FRMD4A: variants seen among roughly 807,000 people sequenced by gnomAD.
The protein encoded by FRMD4A is FERM domain containing 4A, also known as FERM domain-containing protein 4A.
A neutral mutation model predicts 129.1 loss-of-function variants in FRMD4A; 29 were observed. The observed-to-expected ratio is 0.22, with a 90% CI of 0.17 to 0.31. FRMD4A has a LOEUF of 0.31. FRMD4A is among the 10% of genes least tolerant of loss of function. FRMD4A has a pLI of 1.00. For missense variants in FRMD4A, 1,272 were observed against 1,375.8 expected (o/e 0.92, Z 1.19); for synonymous variants, 634 against 571.6 (o/e 1.11, Z -1.56).
At chr10:14,011,820 C>A (rs2095683460) in intron 2 of FRMD4A, among the ~76,000 whole-genome samples, 1 of 152,004 alleles carries the variant, frequency 6.6e-6, no homozygotes, top group Non-Finnish European at 1.5e-5. Context: ...ACCAGCCTGG[C>A]CAACATAGTG....
chr10:13,735,580 C>G (rs1211952922), intron 12 of FRMD4A, among the ~76,000 whole-genome samples: 1 of 152,150 alleles, frequency 6.6e-6, no homozygotes, highest in African/African-American at 2.4e-5. Context: ...TCATTAGAAC[C>G]TCAATTAGAG....
chr10:14,208,548 C>T (rs150318549), intron 2 of FRMD4A, among the ~76,000 whole-genome samples: 3 of 152,186 alleles, frequency 2.0e-5, no homozygotes, highest in Admixed American at 6.5e-5. Context: ...GGGGACTCTG[C>T]GAACCTCCTA....
intron 2 of FRMD4A, among the ~76,000 whole-genome samples, chr10:13,885,274 A>G (rs1371637881): frequency 6.6e-6 from 1 of 152,172 alleles, no homozygotes; most frequent in African/African-American, 2.4e-5. Context: ...ACAGATATTA[A>G]CTAATTTGCT....
intron 2 of FRMD4A, among the ~76,000 whole-genome samples, chr10:14,038,178 C>T (rs1029824475): frequency 3.8e-4 from 58 of 152,256 alleles, no homozygotes; most frequent in Middle Eastern, 3.4e-3. Context: ...AAAAAATTAG[C>T]TGGGCGAGGT....
At chr10:13,684,871 G>GAAA in intron 15 of FRMD4A, 4 of 876,866 alleles carry the variant, frequency 4.6e-6, no homozygotes, top group Non-Finnish European at 5.4e-6. Flanking sequence ...AGACCTTAGA[G>GAAA]AAAAAAAAAA....
intron 2 of FRMD4A, among the ~76,000 whole-genome samples, chr10:13,913,600 A>T (rs1337138415): frequency 2.0e-5 from 3 of 152,190 alleles, no homozygotes; most frequent in Non-Finnish European, 4.4e-5. Context: ...CTCCTGAGGC[A>T]CGTGATCCGC....
intron 2 of FRMD4A, among the ~76,000 whole-genome samples, chr10:14,324,296 T>C (rs868504803): frequency 1.3e-5 from 2 of 152,208 alleles, no homozygotes; most frequent in African/African-American, 4.8e-5. Context: ...AAGATACCCA[T>C]TGGGAAATTT....
chr10:14,326,194 T>C (rs921486467), intron 2 of FRMD4A: 2 of 152,212 alleles, frequency 1.3e-5, no homozygotes, highest in African/African-American at 4.8e-5. Context: ...CCCTTTTTTA[T>C]TTTACACTTC....
At chr10:14,055,600 A>C (rs1462992229) in intron 2 of FRMD4A, among the ~76,000 whole-genome samples, 1 of 152,224 alleles carries the variant, frequency 6.6e-6, no homozygotes, top group African/African-American at 2.4e-5. Flanking sequence ...AAAACTGTAC[A>C]TTATGCCTGC....
At chr10:13,733,121 A>G (rs1161230664) in intron 12 of FRMD4A, among the ~76,000 whole-genome samples, 3 of 152,242 alleles carry the variant, frequency 2.0e-5, no homozygotes, top group Non-Finnish European at 2.9e-5. Context: ...ATCGATATGC[A>G]TTCACACGTG....
At chr10:14,143,469 G>A (rs1176586394) in intron 2 of FRMD4A, among the ~76,000 whole-genome samples, 1 of 152,238 alleles carries the variant, frequency 6.6e-6, no homozygotes, top group Non-Finnish European at 1.5e-5. Context: ...TGGTTGGGGA[G>A]ATGGAATTGG....
chr10:13,863,692 G>A (rs1328593340), intron 2 of FRMD4A, among the ~76,000 whole-genome samples: 1 of 151,818 alleles, frequency 6.6e-6, no homozygotes, highest in Non-Finnish European at 1.5e-5. Context: ...GATGTGCAAC[G>A]CTTTAGGCTT....
intron 2 of FRMD4A, among the ~76,000 whole-genome samples, chr10:13,958,081 C>A (rs538767665): frequency 5.3e-5 from 8 of 152,202 alleles, no homozygotes; most frequent in Admixed American, 3.9e-4. Flanking sequence ...TGGCCCCATA[C>A]GCTACTGCAG....
chr10:13,878,507 C>T (rs1348700830), intron 2 of FRMD4A, among the ~76,000 whole-genome samples: 3 of 152,016 alleles, frequency 2.0e-5, no homozygotes, highest in African/African-American at 7.2e-5. Context: ...AATCCCAGCA[C>T]TTTGGGAGGC....
chr10:14,052,203 A>T (rs1020705314), intron 2 of FRMD4A, among the ~76,000 whole-genome samples: 1 of 152,144 alleles, frequency 6.6e-6, no homozygotes, highest in African/African-American at 2.4e-5. Context: ...GAGGGAACTA[A>T]CCCTGAGGAG....
chr10:14,167,476 G>T (rs1841244496), intron 2 of FRMD4A, among the ~76,000 whole-genome samples: 1 of 137,122 alleles, frequency 7.3e-6, no homozygotes, highest in Non-Finnish European at 1.5e-5. Context: ...GGCAGAAGTT[G>T]CAGTGAGCTG....
intron 6 of FRMD4A, among the ~76,000 whole-genome samples, chr10:13,781,462 C>T (rs1027942171): frequency 2.1e-5 from 3 of 145,436 alleles, no homozygotes; most frequent in Admixed American, 1.4e-4. Flanking sequence ...ACTGTAACCT[C>T]CACCTCCCAG....
At chr10:13,779,319 G>A (rs201474289) in intron 6 of FRMD4A, among the ~76,000 whole-genome samples, 61 of 144,722 alleles carry the variant, frequency 4.2e-4, no homozygotes, top group Non-Finnish European at 3.8e-4. Flanking sequence ...CCATCTCCAA[G>A]AAAAAAAAAA....
intron 2 of FRMD4A, among the ~76,000 whole-genome samples, chr10:14,318,745 T>C (rs983704305): frequency 2.0e-5 from 3 of 152,030 alleles, no homozygotes; most frequent in African/African-American, 4.8e-5. Context: ...TCAAGGAACA[T>C]AGAATCAAGT....
Sources: allele counts gnomAD v4.1 joint callset (sites outside exome capture counted in the v4.1 genomes callset), GRCh38; gene constraint gnomAD v4.1.1; transcripts MANE v1.5; gene names NCBI Gene and HGNC (gene_info 2026-07-23, HGNC 2026-07-21).